PCDH19: variants seen among roughly 807,000 people sequenced by gnomAD.
The protein encoded by PCDH19 is protocadherin-19.
Under a neutral mutation model 46.2 loss-of-function variants are expected in PCDH19, and 6 were observed. The ratio of observed to expected loss-of-function variants is 0.13; its 90% confidence interval spans 0.07 to 0.26. The LOEUF is 0.26. Among genes scored for constraint, PCDH19 ranks in the 10% least tolerant of loss-of-function variants. PCDH19 has a pLI of 1.00. For missense variants in PCDH19, 740 were observed against 972.3 expected (o/e 0.76, Z 3.18); for synonymous variants, 481 against 415.7 (o/e 1.16, Z -1.91).
chrX:100,408,654 G>C lies in PCDH19; in HGVS notation c.-57C>G. Reference sequence around the variant, plus strand: ...TCCACACCCCTCCGAGACCGACGCCGTCGGCGCTCCAGCTTCCCGCCGGCT... The same window carrying C: ...TCCACACCCCTCCGAGACCGACGCCCTCGGCGCTCCAGCTTCCCGCCGGCT... On this transcript the variant is annotated 5_prime_UTR_variant, in exon 1 of 6. Transcript: ENST00000373034. The C allele has an allele frequency of 9.9e-7, 1 of 1,006,699 alleles. No homozygotes were observed. Among genetic ancestry groups the C allele is most frequent in the East Asian group, 3.3e-5 (1 of 29,860 alleles). 83.0% of individuals were successfully genotyped at this position (1,006,699 alleles called of 1,213,427 possible).
chrX:100,407,791 G>T lies in PCDH19; in HGVS notation c.807C>A (p.Thr269=), dbSNP rs1467272137. The T allele has an allele frequency of 9.1e-6, 11 of 1,211,159 alleles. No homozygotes were observed. Among genetic ancestry groups the T allele is most frequent in the Non-Finnish European group, 1.2e-5 (11 of 895,441 alleles). ...RLNASDPDEG[T]NGQVVYSFYG... is the part of the protein sequence containing the mutation. The stretch of plus-strand genomic sequence containing the variant: ...AGAAGGAGTAGACCACCTGGCCGTT[G>T]GTGCCCTCGTCTGGATCGCTGGCGT... The change falls in exon 1 of 6, where the codon ACC becomes ACA. Residue 269 remains threonine (T), a synonymous_variant. Coordinates refer to ENST00000373034, the MANE Select transcript of PCDH19 (RefSeq NM_001184880.2).
intron 4 of PCDH19, 50 bp downstream of exon 4, chrX:100,350,596 T>TA (rs1240483350): frequency 1.1e-6 from 1 of 893,401 alleles, no homozygotes; most frequent in Non-Finnish European, 1.6e-6. Flanking sequence ...TTTTGCTTTT[T>TA]AATGTTAAAT....
At chrX:100,377,785 G>A (rs1351361682) in intron 3 of PCDH19, among the ~76,000 whole-genome samples, 2 of 112,114 alleles carry the variant, frequency 1.8e-5, no homozygotes, top group Admixed American at 1.9e-4. Flanking sequence ...TACTCTACAC[G>A]TTGTGGAGAG....
intron 5 of PCDH19, among the ~76,000 whole-genome samples, chrX:100,306,188 T>C (rs1190256424): frequency 9.0e-6 from 1 of 111,688 alleles, no homozygotes; most frequent in East Asian, 2.8e-4. Flanking sequence ...TCTCAGTAAA[T>C]TTAAGAAAAT....
rs745510287 is a variant in PCDH19 at position 100,296,750 on chromosome X, C to T, written c.2974G>A (p.Ala992Thr). Residue 992 changes from alanine to threonine, a missense_variant, in exon 6 of 6, where the codon GCG (alanine) becomes ACG (threonine). By Grantham distance (58) the Ala-to-Thr change is moderately conservative (BLOSUM62 0). This residue lies in a region of PCDH19 where 416 missense variants were observed against 476.8 expected (regional missense o/e 0.87). Coordinates refer to ENST00000373034, the MANE Select transcript of PCDH19 (RefSeq NM_001184880.2). ...KSPEHVRNII[A>T]LSIEATAADV... ...GCAGCAGTAGCTTCAATAGACAGCGCGATGATGTTCCTCACATGCTCAGGG... is the reference window on the plus strand; with the variant it reads ...GCAGCAGTAGCTTCAATAGACAGCGTGATGATGTTCCTCACATGCTCAGGG... 1.9e-5 allele frequency: 23 copies of T among 1,211,035 alleles called. No individual in the cohort carries two copies. The highest frequency in any genetic ancestry group is 5.3e-5 in the South Asian group (3 of 56,946).
intron 5 of PCDH19, among the ~76,000 whole-genome samples, chrX:100,338,239 G>A (rs967030801): frequency 2.8e-5 from 3 of 106,407 alleles, no homozygotes; most frequent in Non-Finnish European, 5.8e-5. Context: ...CTACTTGGGA[G>A]GCTGAGGCAG....
intron 5 of PCDH19, among the ~76,000 whole-genome samples, chrX:100,310,782 T>C (rs1364361803): frequency 9.2e-6 from 1 of 108,709 alleles, no homozygotes; most frequent in East Asian, 2.9e-4. Flanking sequence ...GTCAGATGCA[T>C]TCTACATGCA....
intron 3 of PCDH19, among the ~76,000 whole-genome samples, chrX:100,366,700 T>C (rs1261631457): frequency 8.9e-6 from 1 of 112,522 alleles, no homozygotes; most frequent in Non-Finnish European, 1.9e-5. Flanking sequence ...TAGAAGCAAT[T>C]TACAAACAAT....
intron 3 of PCDH19, among the ~76,000 whole-genome samples, chrX:100,383,249 T>C (rs1234505421): frequency 6.2e-5 from 7 of 112,489 alleles, no homozygotes. Context: ...TACTCTTATT[T>C]TACAGATAAG....
At chrX:100,310,163 T>C (rs923650452) in intron 5 of PCDH19, among the ~76,000 whole-genome samples, 7 of 112,106 alleles carry the variant, frequency 6.2e-5, no homozygotes. Flanking sequence ...TATTGAAGTA[T>C]AAGTGCTTGA....
rs189068009 is a variant in PCDH19, at chrX:100,322,755, G to A, written c.2848+19148C>T. Reference sequence around the variant, plus strand: ...ATGGGATGTATTTCCATTTGTTTGCGTCTATGATATCTTTCAGCAGTGTTT... The same window carrying A: ...ATGGGATGTATTTCCATTTGTTTGCATCTATGATATCTTTCAGCAGTGTTT... On this transcript the variant is annotated intron_variant, in intron 5 of 5. Transcript: ENST00000373034. Among the ~76,000 whole-genome samples the A allele has an allele frequency of 5.9e-3, 600 of 101,605 alleles. 4 individuals carry two copies. Among genetic ancestry groups the A allele is most frequent in the Middle Eastern group, 0.025 (5 of 200 alleles). 88.2% of individuals were successfully genotyped at this position (101,605 alleles called of 115,157 possible).
chrX:100,404,572 A>G, intron 1 of PCDH19, among the ~76,000 whole-genome samples: 1 of 109,729 alleles, frequency 9.1e-6, no homozygotes, highest in Non-Finnish European at 1.9e-5. Flanking sequence ...GCTTCACAAA[A>G]TACACATTTG....
At chrX:100,315,867 G>A (rs1377454643) in intron 5 of PCDH19, among the ~76,000 whole-genome samples, 1 of 111,688 alleles carries the variant, frequency 9.0e-6, no homozygotes, top group Non-Finnish European at 1.9e-5. Context: ...AGCACTAATA[G>A]GCATCCCAGT....
At position 100,409,967 on chromosome X, in the gene PCDH19, TGAGA is replaced by T. The variant is rs774934677; in HGVS notation, c.-1374_-1371del. On this transcript the variant is annotated 5_prime_UTR_variant, in exon 1 of 6. Transcript: ENST00000373034. Reference sequence around the variant, plus strand: ...CTGTCTCGGGCTGTGTGTGAATGTGTGAGAGAGAGAGGAAGAGTGAGTGTGTGGT... The same window carrying T: ...CTGTCTCGGGCTGTGTGTGAATGTGTGAGAGAGGAAGAGTGAGTGTGTGGT... 1.3e-5 allele frequency: 4 copies of T among 299,225 alleles called. No individual in the cohort carries two copies. Among genetic ancestry groups the T allele is most frequent in the Non-Finnish European group, 2.3e-5 (4 of 174,700 alleles). 24.7% of individuals were successfully genotyped at this position (299,225 alleles called of 1,213,427 possible). A position where few individuals can be genotyped will look rare whatever the true frequency, so the allele number is the denominator to read the frequency against.
chrX:100,311,947 C>A (rs986328117), intron 5 of PCDH19, among the ~76,000 whole-genome samples: 6 of 111,473 alleles, frequency 5.4e-5, no homozygotes, highest in Non-Finnish European at 1.1e-4. Flanking sequence ...TTTCAAATAT[C>A]TTTCTGGAAG....
intron 5 of PCDH19, among the ~76,000 whole-genome samples, chrX:100,322,231 A>T (rs1925514744): frequency 9.0e-6 from 1 of 110,947 alleles, no homozygotes; most frequent in Non-Finnish European, 1.9e-5. Flanking sequence ...ATCTATTTTG[A>T]GTTGATTTTT....
chrX:100,362,652 G>T (rs1324121233), intron 3 of PCDH19, among the ~76,000 whole-genome samples: 1 of 108,431 alleles, frequency 9.2e-6, no homozygotes, highest in Non-Finnish European at 1.9e-5. Context: ...AAAAAAATTA[G>T]CCGGGCGTGG....
At chrX:100,340,316 A>C (rs1926217197) in intron 5 of PCDH19, among the ~76,000 whole-genome samples, 1 of 112,450 alleles carries the variant, frequency 8.9e-6, no homozygotes, top group African/African-American at 3.2e-5. Flanking sequence ...ATGTGACAAA[A>C]AAATAAAACA....
At position 100,293,688 on chromosome X, in the gene PCDH19, T is replaced by A. The variant is rs1433770889; in HGVS notation, c.*2589A>T. On this transcript the variant is annotated 3_prime_UTR_variant, in exon 6 of 6. Transcript: ENST00000373034. Reference sequence around the variant, plus strand: ...AAAATATTTCCTTAATGAGAGGAATTCTCTGAACATGCTCAGTGAGGTTTG... The same window carrying A: ...AAAATATTTCCTTAATGAGAGGAATACTCTGAACATGCTCAGTGAGGTTTG... 1 of 111,452 alleles carries A rather than the reference T, an allele frequency of 9.0e-6. No homozygotes were observed. The highest frequency in any genetic ancestry group is 9.5e-5 in the Admixed American group (1 of 10,489). The allele number at this position is 111,452 out of a possible 1,213,427, so 9.2% of individuals were successfully genotyped here.
Sources: gnomAD v4.1 joint callset for allele counts (sites outside exome capture counted in the v4.1 genomes callset) on GRCh38, gnomAD v4.1.1 for gene constraint, gnomAD v4.1.1 regional missense constraint, MANE v1.5 for transcripts, NCBI Gene and HGNC (gene_info 2026-07-23, HGNC 2026-07-21) for gene names.